Variants in ATG7 observed in about 807,000 individuals in gnomAD.
ATG7 encodes autophagy related 7, also known as ubiquitin-like modifier-activating enzyme ATG7.
Under a neutral mutation model 82.4 loss-of-function variants are expected in ATG7, and 70 were observed. That is an observed-to-expected ratio of 0.85 (90% CI 0.70 to 1.04). ATG7 has a LOEUF of 1.04. ATG7 is among the 50% of genes least tolerant of loss of function. The probability of loss-of-function intolerance (pLI) is 0.00; values close to 1 mark genes in which losing one functional copy is unlikely to be tolerated. For synonymous variants in ATG7, 287 were observed against 313.0 expected, an observed-to-expected ratio of 0.92 and a Z score of 0.88; for missense variants, 792 against 864.3, an observed-to-expected ratio of 0.92 and a Z score of 1.05.
downstream of ATG7, among the ~76,000 whole-genome samples, chr3:11,562,528 T>A (rs888128677): frequency 1.3e-5 from 2 of 152,192 alleles, no homozygotes; most frequent in African/African-American, 2.4e-5. Context: ...AGCTGCAGGA[T>A]GACACCCAAC....
At chr3:11,358,961 T>C (rs995615322) in intron 15 of ATG7, among the ~76,000 whole-genome samples, 1 of 152,224 alleles carries the variant, frequency 6.6e-6, no homozygotes. Context: ...AATAGTGAAC[T>C]AAATCATGGT....
chr3:11,370,038 A>T (rs1275179777), intron 18 of ATG7, among the ~76,000 whole-genome samples: 1 of 151,084 alleles, frequency 6.6e-6, no homozygotes, highest in Non-Finnish European at 1.5e-5. Flanking sequence ...TATATCTGTA[A>T]AATGGGGATA....
intron 19 of ATG7, among the ~76,000 whole-genome samples, chr3:11,425,181 C>T (rs1315703960): frequency 7.2e-5 from 11 of 152,080 alleles, no homozygotes; most frequent in African/African-American, 9.7e-5. Context: ...CCAGGTTGGT[C>T]CTGAACTCCT....
chr3:11,417,121 T>C (rs2081434949), intron 19 of ATG7, among the ~76,000 whole-genome samples: 1 of 152,196 alleles, frequency 6.6e-6, no homozygotes, highest in Non-Finnish European at 1.5e-5. Flanking sequence ...GAATATTCCA[T>C]GTGAATGTGA....
intron 20 of ATG7, among the ~76,000 whole-genome samples, chr3:11,433,430 A>G (rs2083090845): frequency 6.6e-6 from 1 of 152,110 alleles, no homozygotes; most frequent in Admixed American, 6.5e-5. Context: ...TCCTATGAGT[A>G]GAATAAGTAT....
chr3:11,275,961 A>G (rs769036005), intron 1 of ATG7, among the ~76,000 whole-genome samples: 5 of 152,206 alleles, frequency 3.3e-5, no homozygotes, highest in Non-Finnish European at 7.3e-5. Flanking sequence ...GACTCTAACC[A>G]TGCAGAGCAA....
At chr3:11,390,170 C>T (rs926907467) in intron 19 of ATG7, among the ~76,000 whole-genome samples, 2 of 152,206 alleles carry the variant, frequency 1.3e-5, no homozygotes, top group African/African-American at 4.8e-5. Flanking sequence ...CTGAGTAAAA[C>T]CTTCCATAAA....
intron 13 of ATG7, among the ~76,000 whole-genome samples, chr3:11,345,745 C>T (rs893184490): frequency 1.3e-5 from 2 of 151,790 alleles, no homozygotes; most frequent in Admixed American, 6.6e-5. Context: ...CTTTCAGATT[C>T]GTAAATATCT....
chr3:11,408,275 C>T (rs1244614931), intron 19 of ATG7, among the ~76,000 whole-genome samples: 1 of 152,186 alleles, frequency 6.6e-6, no homozygotes, highest in Non-Finnish European at 1.5e-5. Context: ...CCAACAAGTT[C>T]CTCATCTCCA....
At chr3:11,527,041 ATGTGTGTGTGTGTG>A (rs370131709) in intron 20 of ATG7, among the ~76,000 whole-genome samples, 15 of 138,328 alleles carry the variant, frequency 1.1e-4, no homozygotes, top group Admixed American at 3.0e-4. Context: ...GTGTGTATAT[ATGTGTGTGTGTGTG>A]TGTGTGTGTG....
At chr3:11,398,808 G>T (rs145573600) in intron 19 of ATG7, among the ~76,000 whole-genome samples, 12 of 152,282 alleles carry the variant, frequency 7.9e-5, no homozygotes, top group Non-Finnish European at 1.6e-4. Flanking sequence ...CTCTGATCAT[G>T]CCACTGCACT....
At chr3:11,324,112 A>G (rs1335481136) in intron 9 of ATG7, among the ~76,000 whole-genome samples, 1 of 152,212 alleles carries the variant, frequency 6.6e-6, no homozygotes, top group Non-Finnish European at 1.5e-5. Context: ...AAAGCTTCTA[A>G]ACAAAGTTTT....
intron 19 of ATG7, among the ~76,000 whole-genome samples, chr3:11,395,514 C>T (rs1393927507): frequency 6.6e-6 from 1 of 152,160 alleles, no homozygotes; most frequent in Non-Finnish European, 1.5e-5. Context: ...AAGACATTAA[C>T]TTCTGAAGAA....
chr3:11,491,649 T>C (rs180689902), intron 20 of ATG7, among the ~76,000 whole-genome samples: 28 of 152,310 alleles, frequency 1.8e-4, no homozygotes, highest in African/African-American at 5.8e-4. Flanking sequence ...GTTGGGTTTT[T>C]GGTGTGGATG....
intron 10 of ATG7, chr3:11,332,667 G>C (rs1418081086): frequency 2.2e-5 from 4 of 179,700 alleles, no homozygotes; most frequent in Non-Finnish European, 4.6e-5. Flanking sequence ...TGTCTTGTGA[G>C]CATTTTTTCC....
At chr3:11,327,138 C>T (rs972546583) in intron 9 of ATG7, among the ~76,000 whole-genome samples, 1 of 152,160 alleles carries the variant, frequency 6.6e-6, no homozygotes, top group African/African-American at 2.4e-5. Flanking sequence ...TCAATAGATA[C>T]TTGCTGACTC....
chr3:11,330,361 A>G (rs1196637358), intron 9 of ATG7, among the ~76,000 whole-genome samples: 1 of 152,182 alleles, frequency 6.6e-6, no homozygotes, highest in African/African-American at 2.4e-5. Context: ...TATTTATATC[A>G]GTGTGGACTC....
intron 14 of ATG7, among the ~76,000 whole-genome samples, chr3:11,356,098 A>C (rs1186099587): frequency 6.6e-6 from 1 of 152,234 alleles, no homozygotes; most frequent in Non-Finnish European, 1.5e-5. Flanking sequence ...TATGTTCTAG[A>C]ATAGTCTAAT....
intron 2 of ATG7, among the ~76,000 whole-genome samples, chr3:11,281,711 T>A (rs1361670486): frequency 6.7e-6 from 1 of 149,796 alleles, no homozygotes; most frequent in Non-Finnish European, 1.5e-5. Context: ...GAGGCAGAGG[T>A]TGCAGTGAGC....
Sources: gnomAD v4.1 joint callset for allele counts (sites outside exome capture counted in the v4.1 genomes callset) on GRCh38, gnomAD v4.1.1 for gene constraint, MANE v1.5 for transcripts, NCBI Gene and HGNC (gene_info 2026-07-23, HGNC 2026-07-21) for gene names.